DNAH7: variants seen among roughly 807,000 people sequenced by gnomAD.
DNAH7 encodes axonemal beta dynein heavy chain 7.
A neutral mutation model predicts 444.6 loss-of-function variants in DNAH7; 397 were observed. The observed-to-expected ratio is 0.89, with a 90% CI of 0.82 to 0.97. The LOEUF is 0.97. DNAH7 is among the 50% of genes least tolerant of loss of function. DNAH7 has a pLI of 0.00. For synonymous variants in DNAH7, 1,636 were observed against 1,624.4 expected, an observed-to-expected ratio of 1.01 and a Z score of -0.17; for missense variants, 4,902 against 4,800.8, an observed-to-expected ratio of 1.02 and a Z score of -0.62.
intron 31 of DNAH7, among the ~76,000 whole-genome samples, chr2:195,891,410 C>T (rs1702003959): frequency 6.6e-6 from 1 of 151,632 alleles, no homozygotes; most frequent in South Asian, 2.1e-4. Flanking sequence ...ATACTTTGCC[C>T]TGGCCTTTTT....
intron 36 of DNAH7, among the ~76,000 whole-genome samples, chr2:195,881,401 T>C (rs1159523298): frequency 1.3e-5 from 2 of 152,194 alleles, no homozygotes; most frequent in Admixed American, 1.3e-4. Context: ...CCAGACATCA[T>C]TAAGGAAAAT....
chr2:195,868,154 G>A (rs189006917), intron 40 of DNAH7, among the ~76,000 whole-genome samples: 232 of 141,134 alleles, frequency 1.6e-3, no homozygotes, highest in African/African-American at 6.1e-3. Flanking sequence ...GGAGTGCAGT[G>A]GTGCGATCTC....
intron 27 of DNAH7, chr2:195,903,976 G>T (rs996199409): frequency 6.6e-6 from 1 of 152,090 alleles, no homozygotes; most frequent in African/African-American, 2.4e-5. Context: ...ATTGGGAAAA[G>T]GATTTATGAG....
intron 17 of DNAH7, among the ~76,000 whole-genome samples, chr2:195,969,174 TG>T (rs1039539272): frequency 6.6e-6 from 1 of 152,198 alleles, no homozygotes; most frequent in Non-Finnish European, 1.5e-5. Flanking sequence ...CTGTGGGTGG[TG>T]GGGGGAGCAA....
Position 195,775,965 on chromosome 2 carries a change from AT to A in DNAH7, c.11082del (p.Glu3694AspfsTer8). The A allele has an allele frequency of 6.2e-7, 1 of 1,614,128 alleles. No individual in the cohort carries two copies. The highest frequency in any genetic ancestry group is 2.2e-5 in the East Asian group (1 of 44,874). The stretch of plus-strand genomic sequence containing the variant: ...GGGGTCAGTGGCAGAGTCTTTGTGT[AT>A]TCGATGTAGCTTTTGTGCTGCAGAG... ...PPSGDHKSYI[E>X]YTKTLPLTPA... On this transcript the variant is annotated frameshift_variant, in exon 60 of 65. Transcript: ENST00000312428. LOFTEE classifies it high-confidence loss of function.
chr2:195,926,387 A>C, intron 22 of DNAH7, 39 bp downstream of exon 22: 2 of 1,452,824 alleles, frequency 1.4e-6, no homozygotes, highest in South Asian at 3.1e-5. Context: ...TACTATTGAA[A>C]AAATGCTTAA....
chr2:195,831,436 T>C (rs768773143), intron 48 of DNAH7, among the ~76,000 whole-genome samples: 7 of 152,204 alleles, frequency 4.6e-5, no homozygotes, highest in Non-Finnish European at 8.8e-5. Context: ...TGAGGGACAA[T>C]AGATCAAAAG....
intron 5 of DNAH7, among the ~76,000 whole-genome samples, chr2:196,040,525 C>A (rs140073716): frequency 5.9e-5 from 9 of 152,162 alleles, no homozygotes; most frequent in Non-Finnish European, 1.3e-4. Context: ...ATTCAACATG[C>A]CTTTGTGAAA....
intron 10 of DNAH7, among the ~76,000 whole-genome samples, chr2:196,011,864 A>G (rs1694744925): frequency 6.6e-6 from 1 of 152,228 alleles, no homozygotes; most frequent in South Asian, 2.1e-4. Flanking sequence ...CCCAGAAGTT[A>G]TAGATCAAGA....
chr2:195,832,643 T>A (rs1698131341), intron 48 of DNAH7, among the ~76,000 whole-genome samples: 1 of 152,022 alleles, frequency 6.6e-6, no homozygotes, highest in African/African-American at 2.4e-5. Flanking sequence ...GGTCTCACCA[T>A]GTTGCCCAAG....
intron 39 of DNAH7, among the ~76,000 whole-genome samples, chr2:195,872,788 C>T (rs1700798344): frequency 6.6e-6 from 1 of 152,068 alleles, no homozygotes; most frequent in Non-Finnish European, 1.5e-5. Context: ...CCCAAATCCA[C>T]TAGACAAGTA....
intron 40 of DNAH7, among the ~76,000 whole-genome samples, chr2:195,865,826 T>TA (rs1700301722): frequency 6.6e-6 from 1 of 152,128 alleles, no homozygotes; most frequent in African/African-American, 2.4e-5. Context: ...CCTAATCTTA[T>TA]AGGATAGTGT....
intron 63 of DNAH7, among the ~76,000 whole-genome samples, chr2:195,745,570 G>A (rs868093851): frequency 9.2e-5 from 14 of 152,292 alleles, no homozygotes; most frequent in Middle Eastern, 3.4e-3. Flanking sequence ...CACCAAAGTG[G>A]AAATGAAGGA....
At chr2:195,738,625 C>T (rs1248754236) in intron 64 of DNAH7, among the ~76,000 whole-genome samples, 1 of 152,042 alleles carries the variant, frequency 6.6e-6, no homozygotes, top group Non-Finnish European at 1.5e-5. Context: ...AATTGCATTC[C>T]TTTATAACCA....
At chr2:195,951,233 C>T (rs539899468) in intron 19 of DNAH7, among the ~76,000 whole-genome samples, 1 of 152,140 alleles carries the variant, frequency 6.6e-6, no homozygotes, top group South Asian at 2.1e-4. Context: ...GTTCAGTTTC[C>T]ATGTAGTTGT....
At chr2:195,852,131 A>C (rs566258237) in intron 46 of DNAH7, among the ~76,000 whole-genome samples, 2 of 151,866 alleles carry the variant, frequency 1.3e-5, no homozygotes, top group African/African-American at 4.8e-5. Flanking sequence ...GGTGGCGGGC[A>C]CCTGTAGTCC....
intron 4 of DNAH7, 56 bp downstream of exon 4, chr2:196,048,240 C>G (rs921358474): frequency 7.0e-7 from 1 of 1,436,322 alleles, no homozygotes; most frequent in African/African-American, 1.4e-5. Context: ...TAAATATTGT[C>G]TGGTCTCTCT....
At chr2:195,950,441 G>A (rs1353261450) in intron 19 of DNAH7, among the ~76,000 whole-genome samples, 1 of 152,072 alleles carries the variant, frequency 6.6e-6, no homozygotes, top group Non-Finnish European at 1.5e-5. Flanking sequence ...ATTTCTGTGG[G>A]GCCGGTGGTG....
intron 10 of DNAH7, among the ~76,000 whole-genome samples, chr2:196,007,938 C>T (rs777842168): frequency 3.9e-5 from 6 of 151,952 alleles, no homozygotes; most frequent in African/African-American, 7.3e-5. Context: ...AATGAGACTT[C>T]GTCAAAATTA....
Sources: allele counts gnomAD v4.1 joint callset (sites outside exome capture counted in the v4.1 genomes callset), GRCh38; gene constraint gnomAD v4.1.1; transcripts MANE v1.5; gene names NCBI Gene and HGNC (gene_info 2026-07-23, HGNC 2026-07-21).